Variants in RNF130 observed in about 807,000 individuals in gnomAD.
RNF130 encodes the protein ring finger protein 130, also known as E3 ubiquitin-protein ligase RNF130.
Under a neutral mutation model 44.6 loss-of-function variants are expected in RNF130, and 21 were observed. The ratio of observed to expected loss-of-function variants is 0.47; its 90% CI spans 0.33 to 0.68. The LOEUF (loss-of-function observed/expected upper bound fraction) is 0.68. Among genes scored for constraint, RNF130 ranks in the 30% least tolerant of loss-of-function variants. RNF130 has a pLI of 0.02. For missense variants in RNF130, 479 were observed against 560.6 expected (o/e 0.85, Z 1.47); for synonymous variants, 214 against 210.4 (o/e 1.02, Z -0.15).
At chr5:180,017,059 G>A (rs1311635273) in intron 2 of RNF130, among the ~76,000 whole-genome samples, 3 of 152,044 alleles carry the variant, frequency 2.0e-5, no homozygotes, top group Non-Finnish European at 2.9e-5. Context: ...CGGGGCTGTC[G>A]GCATCATGCT....
At chr5:180,017,808 C>T (rs751546493) in intron 2 of RNF130, among the ~76,000 whole-genome samples, 4 of 152,130 alleles carry the variant, frequency 2.6e-5, no homozygotes, top group African/African-American at 4.8e-5. Flanking sequence ...CTTTGGGCTC[C>T]GGAATCGGAG....
chr5:179,968,756 G>A (rs1420598326), intron 6 of RNF130, among the ~76,000 whole-genome samples: 1 of 152,124 alleles, frequency 6.6e-6, no homozygotes, highest in Non-Finnish European at 1.5e-5. Flanking sequence ...TCTGAAATGG[G>A]GGTGAGTTTG....
intron 2 of RNF130, among the ~76,000 whole-genome samples, chr5:180,030,670 C>A (rs1247782259): frequency 6.6e-6 from 1 of 152,146 alleles, no homozygotes; most frequent in Non-Finnish European, 1.5e-5. Flanking sequence ...AACATGCCAG[C>A]TCCCTCATGC....
intron 7 of RNF130, among the ~76,000 whole-genome samples, chr5:179,936,571 G>A (rs751087460): frequency 6.6e-6 from 1 of 152,006 alleles, no homozygotes; most frequent in Non-Finnish European, 1.5e-5. Context: ...GTTTAGGTTG[G>A]CAGATATTTT....
intron 3 of RNF130, among the ~76,000 whole-genome samples, chr5:179,985,463 C>G (rs911758852): frequency 1.3e-5 from 2 of 152,062 alleles, no homozygotes; most frequent in Admixed American, 1.3e-4. Flanking sequence ...GAATTAGAGG[C>G]ATGTCTGGGG....
intron 1 of RNF130, among the ~76,000 whole-genome samples, chr5:180,067,257 T>C (rs1765129574): frequency 6.6e-6 from 1 of 152,204 alleles, no homozygotes. Context: ...AACCCAAATC[T>C]ATGTCTTCAT....
At chr5:179,989,172 C>T (rs761742966) in intron 3 of RNF130, among the ~76,000 whole-genome samples, 4 of 152,210 alleles carry the variant, frequency 2.6e-5, no homozygotes, top group Non-Finnish European at 5.9e-5. Flanking sequence ...GCTTATAAAA[C>T]TATCCCATCA....
intron 3 of RNF130, among the ~76,000 whole-genome samples, chr5:180,001,245 T>G (rs147152455): frequency 6.6e-6 from 1 of 152,282 alleles, no homozygotes; most frequent in African/African-American, 2.4e-5. Flanking sequence ...TATTCTTGCT[T>G]TCCCCACAAT....
intron 2 of RNF130, among the ~76,000 whole-genome samples, chr5:180,029,682 G>A (rs1278365630): frequency 6.6e-6 from 1 of 152,140 alleles, no homozygotes; most frequent in Non-Finnish European, 1.5e-5. Context: ...TGGGACTACA[G>A]GTGAGTGCTA....
At chr5:180,065,671 A>G (rs1185712826) in intron 1 of RNF130, among the ~76,000 whole-genome samples, 1 of 151,890 alleles carries the variant, frequency 6.6e-6, no homozygotes, top group Non-Finnish European at 1.5e-5. Context: ...GAAGCAGGAG[A>G]ATTGCTTGAA....
At chr5:180,067,784 C>T (rs1765141537) in intron 1 of RNF130, among the ~76,000 whole-genome samples, 1 of 152,108 alleles carries the variant, frequency 6.6e-6, no homozygotes, top group South Asian at 2.1e-4. Context: ...AATCTGTGTC[C>T]AATAGCCCCT....
intron 7 of RNF130, among the ~76,000 whole-genome samples, chr5:179,922,266 T>C (rs978459580): frequency 1.3e-5 from 2 of 149,448 alleles, no homozygotes; most frequent in Non-Finnish European, 2.9e-5. Flanking sequence ...AAGTGTTTTG[T>C]TCAAATCTTT....
chr5:179,930,274 T>C (rs1160868112), intron 7 of RNF130, among the ~76,000 whole-genome samples: 1 of 152,140 alleles, frequency 6.6e-6, no homozygotes, highest in African/African-American at 2.4e-5. Flanking sequence ...GTCAGGCTGA[T>C]CTCGAACTCC....
At chr5:180,013,422 G>T in intron 2 of RNF130, 111 bp from the exon 3 acceptor site, 6 of 945,588 alleles carry the variant, frequency 6.3e-6, no homozygotes, top group Non-Finnish European at 9.2e-6. Flanking sequence ...AATGGAAAGG[G>T]TATGCAAACT....
intron 1 of RNF130, among the ~76,000 whole-genome samples, chr5:180,060,130 C>A (rs879923674): frequency 2.0e-5 from 3 of 152,066 alleles, no homozygotes; most frequent in Non-Finnish European, 4.4e-5. Context: ...GAAATGATTC[C>A]CCCTGAGAGC....
intron 2 of RNF130, among the ~76,000 whole-genome samples, chr5:180,035,499 T>C (rs1021354279): frequency 1.3e-5 from 2 of 152,248 alleles, no homozygotes; most frequent in African/African-American, 4.8e-5. Context: ...GTGTGCTACA[T>C]ATGTTGGCTA....
At chr5:179,924,574 G>C (rs975558851) in intron 7 of RNF130, among the ~76,000 whole-genome samples, 8 of 151,938 alleles carry the variant, frequency 5.3e-5, no homozygotes, top group Admixed American at 2.6e-4. Context: ...GAGGTGGGTG[G>C]ATCACCTGAG....
chr5:180,050,345 G>A (rs898304813), intron 1 of RNF130, among the ~76,000 whole-genome samples: 9 of 152,202 alleles, frequency 5.9e-5, no homozygotes, highest in Non-Finnish European at 1.3e-4. Flanking sequence ...AGTCAGGCAG[G>A]AGGAAACCCC....
intron 7 of RNF130, among the ~76,000 whole-genome samples, chr5:179,932,790 TG>T (rs1466476160): frequency 6.6e-6 from 1 of 151,940 alleles, no homozygotes; most frequent in Non-Finnish European, 1.5e-5. Context: ...AAGCTGAGAT[TG>T]TACCACTGCA....
Sources: gnomAD v4.1 joint callset for allele counts (sites outside exome capture counted in the v4.1 genomes callset) on GRCh38, gnomAD v4.1.1 for gene constraint, MANE v1.5 for transcripts, NCBI Gene and HGNC (gene_info 2026-07-23, HGNC 2026-07-21) for gene names.